The following SLC22A23 variants were observed in gnomAD, a reference collection of about 807,000 sequenced individuals.
SLC22A23 encodes the protein solute carrier family 22 member 23.
In SLC22A23, 26 loss-of-function variants were observed where a neutral mutation model predicts 61.0. The observed-to-expected ratio is 0.43, with a 90% confidence interval of 0.31 to 0.59. The LOEUF is 0.59. Ranked by LOEUF, SLC22A23 falls within the 20% of genes least tolerant of loss-of-function variation. SLC22A23 has a pLI of 0.11. For missense variants in SLC22A23, 796 were observed against 934.7 expected (o/e 0.85, Z 1.94); for synonymous variants, 430 against 413.9 (o/e 1.04, Z -0.47).
At chr6:3,424,439 A>G (rs1770348305) in intron 1 of SLC22A23, among the ~76,000 whole-genome samples, 1 of 152,194 alleles carries the variant, frequency 6.6e-6, no homozygotes, top group South Asian at 2.1e-4. Flanking sequence ...AACACATATT[A>G]CTTTCGCAAG....
At chr6:3,441,417 G>T (rs1303875043) in intron 1 of SLC22A23, among the ~76,000 whole-genome samples, 4 of 152,126 alleles carry the variant, frequency 2.6e-5, no homozygotes, top group Admixed American at 6.5e-5. Context: ...GGCTTTGTAG[G>T]GGGGCCTTGC....
intron 1 of SLC22A23, among the ~76,000 whole-genome samples, chr6:3,436,978 A>C (rs773102054): frequency 6.6e-6 from 1 of 152,216 alleles, no homozygotes; most frequent in African/African-American, 2.4e-5. Flanking sequence ...TTTCAGTAAG[A>C]TGATCCATAC....
At chr6:3,447,731 G>A (rs1771970528) in intron 1 of SLC22A23, among the ~76,000 whole-genome samples, 1 of 151,208 alleles carries the variant, frequency 6.6e-6, no homozygotes, top group Non-Finnish European at 1.5e-5. Flanking sequence ...TGGGACTACA[G>A]GTGCCCGCCA....
chr6:3,402,211 C>G (rs1484397070), intron 3 of SLC22A23, among the ~76,000 whole-genome samples: 2 of 152,208 alleles, frequency 1.3e-5, no homozygotes, highest in African/African-American at 4.8e-5. Context: ...CCACAGCAGC[C>G]TCCCAGCTCC....
intron 3 of SLC22A23, among the ~76,000 whole-genome samples, chr6:3,325,033 C>T (rs889501014): frequency 6.6e-6 from 1 of 152,100 alleles, no homozygotes; most frequent in African/African-American, 2.4e-5. Flanking sequence ...TGTGATTCTC[C>T]GGCAATATGC....
At chr6:3,331,717 G>A (rs1763591581) in intron 3 of SLC22A23, among the ~76,000 whole-genome samples, 1 of 152,202 alleles carries the variant, frequency 6.6e-6, no homozygotes, top group Non-Finnish European at 1.5e-5. Flanking sequence ...AAAGACTGAT[G>A]CTCAGCAGCA....
Position 3,300,245 on chromosome 6 carries a change from G to A in SLC22A23, c.1083-2027C>T, listed in dbSNP as rs1761498773. On this transcript the variant is annotated intron_variant, in intron 4 of 9. Transcript: ENST00000406686. ...AGGCTGGTCTCGAACGCCTGACCTC[G>A]TGATCCGCCTGCCTCGGCCTCCCAA... 2.6e-5 allele frequency among the ~76,000 whole-genome samples: 4 copies of A among 152,132 alleles called. No individual in the cohort carries two copies. In the South Asian group the frequency reaches 8.3e-4, roughly 32 times the overall value.
Position 3,390,610 on chromosome 6 carries a change from TA to T in SLC22A23, c.913+19577del, listed in dbSNP as rs1361644252. Among the ~76,000 whole-genome samples the T allele has an allele frequency of 3.9e-5, 6 of 152,310 alleles. No homozygotes were observed. Among genetic ancestry groups the T allele is most frequent in the African/African-American group, 1.2e-4 (5 of 41,554 alleles). On this transcript the variant is annotated intron_variant, in intron 3 of 9. Coordinates refer to ENST00000406686, the MANE Select transcript of SLC22A23 (RefSeq NM_015482.2). This position sits in a 1 kb window ranked among gnomAD's most constrained non-coding sequence, Gnocchi z 4.0. ...GTTTAAATGTTACCTAAGAATAACC[TA>T]ATGCAGAGATGTACACACTGGGGCC...
chr6:3,312,922 C>T (rs542040884), intron 4 of SLC22A23: 1 of 152,074 alleles, frequency 6.6e-6, no homozygotes, highest in African/African-American at 2.4e-5. Context: ...TCAAACTGGC[C>T]TGGAGCAACC....
At chr6:3,420,243 A>C (rs1047995561) in intron 1 of SLC22A23, among the ~76,000 whole-genome samples, 11 of 152,192 alleles carry the variant, frequency 7.2e-5, no homozygotes, top group East Asian at 1.9e-4. Context: ...AAAAAAAAAA[A>C]AAAAACCAAA....
chr6:3,416,164 G>A (rs1465676152), intron 1 of SLC22A23, among the ~76,000 whole-genome samples: 2 of 152,248 alleles, frequency 1.3e-5, no homozygotes, highest in Non-Finnish European at 2.9e-5. Flanking sequence ...GGCAGAGGTG[G>A]GCAGCCACGG....
rs895816602 is a variant in SLC22A23 at position 3,456,354 on chromosome 6, G to A, written c.206C>T (p.Ala69Val). The A allele has an allele frequency of 7.1e-6, 11 of 1,547,692 alleles. No homozygotes were observed. Among genetic ancestry groups the A allele is most frequent in the Non-Finnish European group, 9.6e-6 (11 of 1,145,864 alleles). The change falls in exon 1 of 10, where the codon GCG (alanine) becomes GTG (valine). Residue 69 changes from alanine (A) to valine (V), a missense_variant. Ala to Val is a moderately conservative substitution (Grantham distance 64). Transcript: ENST00000406686. This position sits in a 1 kb window ranked among gnomAD's most constrained non-coding sequence, Gnocchi z 7.1. Reference sequence around the variant, plus strand: ...CAACAAGAGGCTCGGGGCCGCAGCCGCGGAGCAGCAGCTCGGGTGCGGGCC... The same window carrying A: ...CAACAAGAGGCTCGGGGCCGCAGCCACGGAGCAGCAGCTCGGGTGCGGGCC... ...GGGPHPSCCS[A>V]AAAPSLLLLD...
At chr6:3,393,164 T>A (rs537989504) in intron 3 of SLC22A23, among the ~76,000 whole-genome samples, 2 of 152,172 alleles carry the variant, frequency 1.3e-5, no homozygotes. Context: ...GGTTATCTTA[T>A]CAAGGGAATT....
intron 9 of SLC22A23, among the ~76,000 whole-genome samples, chr6:3,275,331 C>A (rs546078517): frequency 2.4e-4 from 37 of 152,256 alleles, no homozygotes; most frequent in African/African-American, 8.9e-4. Context: ...ATAATAAAAT[C>A]TAAGTGCTTA....
chr6:3,418,571 C>G (rs1477049544), intron 1 of SLC22A23, among the ~76,000 whole-genome samples: 1 of 152,206 alleles, frequency 6.6e-6, no homozygotes, highest in African/African-American at 2.4e-5. Flanking sequence ...ACTCACACGC[C>G]TGGTAGGGAG....
Position 3,272,799 on chromosome 6 carries a change from C to T in SLC22A23, c.*256G>A, listed in dbSNP as rs1758559117. 1 of 391,340 alleles carries T rather than the reference C, an allele frequency of 2.6e-6. No individual in the cohort carries two copies. The allele number at this position is 391,340 out of a possible 1,614,324, so 24.2% of individuals were successfully genotyped here. ...GAGAGGGAGAGGGAATAAAGTGCTT[C>T]TCGTAAAAATGACCAAAATAAATAC... On this transcript the variant is annotated 3_prime_UTR_variant, in exon 10 of 10. Transcript: ENST00000406686.
chr6:3,381,285 G>A (rs150489172), intron 3 of SLC22A23, among the ~76,000 whole-genome samples: 69 of 152,282 alleles, frequency 4.5e-4, no homozygotes, highest in African/African-American at 1.6e-3. Context: ...GCCTTAGTGA[G>A]GTCCATCTGC....
At chr6:3,393,113 A>G (rs1168546491) in intron 3 of SLC22A23, among the ~76,000 whole-genome samples, 1 of 152,186 alleles carries the variant, frequency 6.6e-6, no homozygotes, top group African/African-American at 2.4e-5. Context: ...CAGATAAGCA[A>G]AAGAGAAAAT....
At chr6:3,446,240 T>C (rs1439775212) in intron 1 of SLC22A23, among the ~76,000 whole-genome samples, 1 of 152,156 alleles carries the variant, frequency 6.6e-6, no homozygotes, top group Non-Finnish European at 1.5e-5. Flanking sequence ...AGGGCCACTC[T>C]GGGGCAGAGG....
Sources: allele counts gnomAD v4.1 joint callset (sites outside exome capture counted in the v4.1 genomes callset), GRCh38; gene constraint gnomAD v4.1.1; non-coding constraint Gnocchi (gnomAD v3.1); transcripts MANE v1.5; gene names NCBI Gene and HGNC (gene_info 2026-07-23, HGNC 2026-07-21).